Variants in ZNF346 observed in about 807,000 individuals in gnomAD.
ZNF346 encodes the protein double-stranded RNA-binding zinc finger protein JAZ.
ZNF346 carries 23 observed loss-of-function variants against 33.7 expected under a neutral mutation model. The observed-to-expected ratio is 0.68, with a 90% CI of 0.49 to 0.97. The LOEUF is 0.97. Among genes scored for constraint, ZNF346 ranks in the 50% least tolerant of loss-of-function variants. The pLI is 0.00. For synonymous variants in ZNF346, 134 were observed against 142.4 expected, an observed-to-expected ratio of 0.94 and a Z score of 0.42; for missense variants, 340 against 371.1, an observed-to-expected ratio of 0.92 and a Z score of 0.69.
chr5:177,033,685 G>A (rs1166299096), intron 1 of ZNF346, among the ~76,000 whole-genome samples: 1 of 151,888 alleles, frequency 6.6e-6, no homozygotes, highest in Non-Finnish European at 1.5e-5. Flanking sequence ...CACCACACAT[G>A]GCTAATTTTT....
chr5:177,039,556 C>T (rs1259489637), intron 1 of ZNF346, among the ~76,000 whole-genome samples: 2 of 152,006 alleles, frequency 1.3e-5, no homozygotes, highest in African/African-American at 4.8e-5. Context: ...CTCAAGCAAT[C>T]CTTCTGTCTC....
rs1032746216 is a variant in ZNF346 at position 177,066,331 on chromosome 5, C to A, written c.*1732C>A. 2.7e-4 allele frequency among the ~76,000 whole-genome samples: 41 copies of A among 151,996 alleles called. No homozygotes were observed. The highest frequency in any genetic ancestry group is 9.9e-4 in the African/African-American group (41 of 41,376). On this transcript the variant is annotated 3_prime_UTR_variant, in exon 7 of 7. Coordinates refer to ENST00000358149, the MANE Select transcript of ZNF346 (RefSeq NM_012279.4). Reference sequence around the variant, plus strand: ...GGAGACAAGGAGGCCAGTATGGACACTGTGTCCAGTATGGCTTTCCAGGCT... The same window carrying A: ...GGAGACAAGGAGGCCAGTATGGACAATGTGTCCAGTATGGCTTTCCAGGCT...
At chr5:177,027,586 CAA>C (rs1282201135) in intron 1 of ZNF346, among the ~76,000 whole-genome samples, 2,153 of 64,638 alleles carry the variant, frequency 0.033, 57 homozygotes, top group African/African-American at 0.085. Context: ...GACTTTGTCT[CAA>C]AAAAAAAAAA....
chr5:177,040,803 T>A (rs1030424427), intron 1 of ZNF346, among the ~76,000 whole-genome samples: 1 of 152,238 alleles, frequency 6.6e-6, no homozygotes, highest in African/African-American at 2.4e-5. Context: ...GTTCTCTTCT[T>A]CCTGGGGAAT....
Position 177,064,691 on chromosome 5 carries a change from C to T in ZNF346, c.*92C>T, listed in dbSNP as rs1185451228. 1.9e-6 allele frequency: 2 copies of T among 1,068,956 alleles called. No individual in the cohort carries two copies. Among genetic ancestry groups the T allele is most frequent in the East Asian group, 4.7e-5 (2 of 42,320 alleles). The allele number at this position is 1,068,956 out of a possible 1,614,324, so 66.2% of individuals were successfully genotyped here. On this transcript the variant is annotated 3_prime_UTR_variant, in exon 7 of 7. Coordinates refer to ENST00000358149, the MANE Select transcript of ZNF346 (RefSeq NM_012279.4). ...TTGGCTCCCTCTTGCTCGTTGTTCT[C>T]ACCAGGAAAGTACACGGGCCTGAGG...
chr5:177,051,095 G>GGAA (rs1297558713), intron 5 of ZNF346, among the ~76,000 whole-genome samples, 159 bp downstream of exon 5: 1 of 152,022 alleles, frequency 6.6e-6, no homozygotes, highest in African/African-American at 2.4e-5. Flanking sequence ...ATGAGAGCCA[G>GGAA]GAAGGGGATA....
chr5:177,079,707 C>T (rs1240246185), exon 9 of ZNF346: 1 of 152,244 alleles, frequency 6.6e-6, no homozygotes. Context: ...GGGCAAAGTA[C>T]AGAAGGGCAC....
chr5:177,063,757 A>G (rs60583066), intron 6 of ZNF346, among the ~76,000 whole-genome samples: 21,388 of 152,054 alleles, frequency 0.14, 3,204 homozygotes, highest in African/African-American at 0.38. Context: ...GTGTGGCGGC[A>G]CACACCTGTA....
chr5:177,076,753 T>C (rs919486830), intron 8 of ZNF346, among the ~76,000 whole-genome samples: 10 of 152,184 alleles, frequency 6.6e-5, no homozygotes, highest in African/African-American at 2.4e-4. Context: ...TTAATAAGTA[T>C]CGTTGAGCCG....
chr5:177,028,007 T>G (rs560704956), intron 1 of ZNF346, among the ~76,000 whole-genome samples: 3 of 148,652 alleles, frequency 2.0e-5, no homozygotes, highest in African/African-American at 7.4e-5. Flanking sequence ...TTGTTTTAAG[T>G]GTACACAGAA....
At chr5:177,048,176 A>G (rs115286423) in intron 4 of ZNF346, among the ~76,000 whole-genome samples, 1,751 of 151,962 alleles carry the variant, frequency 0.012, 11 homozygotes, top group South Asian at 0.025. Flanking sequence ...CAGACTCTAT[A>G]TCCCTCATTT....
Position 177,066,857 on chromosome 5 carries a change from G to A in ZNF346, c.*2258G>A, listed in dbSNP as rs747337320. ...GTGGATAACCTGAGGTCAGAAGTTC[G>A]AGACCAGCCTGGCCAACATGATGGC... is the stretch of plus-strand genomic sequence containing the variant. On this transcript the variant is annotated 3_prime_UTR_variant, in exon 7 of 7. Coordinates refer to ENST00000358149, the MANE Select transcript of ZNF346 (RefSeq NM_012279.4). Among the ~76,000 whole-genome samples the A allele has an allele frequency of 1.3e-5, 2 of 152,216 alleles. No individual in the cohort carries two copies. The highest frequency in any genetic ancestry group is 4.8e-5 in the African/African-American group (2 of 41,534).
chr5:177,073,315 G>GT (rs1783593128), intron 8 of ZNF346, among the ~76,000 whole-genome samples: 1 of 152,118 alleles, frequency 6.6e-6, no homozygotes. Context: ...TATTTTGTTT[G>GT]TTTTTTGAAA....
chr5:177,029,325 C>T (rs1009547047), intron 1 of ZNF346, among the ~76,000 whole-genome samples: 3 of 152,210 alleles, frequency 2.0e-5, no homozygotes, highest in African/African-American at 7.2e-5. Context: ...AAGTGTGGCA[C>T]ACCCCAATTC....
chr5:177,052,902 A>G (rs1287084670), intron 5 of ZNF346: 1 of 152,230 alleles, frequency 6.6e-6, no homozygotes, highest in Admixed American at 6.5e-5. Flanking sequence ...ATGTAACCCC[A>G]TTGTAAGTCA....
chr5:177,032,094 C>T (rs1777815092), intron 1 of ZNF346, among the ~76,000 whole-genome samples: 1 of 147,448 alleles, frequency 6.8e-6, no homozygotes, highest in African/African-American at 2.5e-5. Flanking sequence ...ACCTCTGCCT[C>T]CAGATCCAAG....
At chr5:177,049,666 G>T (rs1284322551) in intron 4 of ZNF346, among the ~76,000 whole-genome samples, 1 of 152,188 alleles carries the variant, frequency 6.6e-6, no homozygotes, top group Non-Finnish European at 1.5e-5. Context: ...AGCAAAGAGA[G>T]CACAGGCTTT....
chr5:177,059,521 C>T (rs1782192916), intron 5 of ZNF346, among the ~76,000 whole-genome samples: 1 of 152,112 alleles, frequency 6.6e-6, no homozygotes, highest in South Asian at 2.1e-4. Context: ...TCATATTCAC[C>T]CAAGAAGGCC....
At chr5:177,039,004 G>T (rs1005817826) in intron 1 of ZNF346, among the ~76,000 whole-genome samples, 2 of 151,490 alleles carry the variant, frequency 1.3e-5, no homozygotes, top group African/African-American at 4.9e-5. Context: ...TGATTGTCCT[G>T]CCTCTGTCTC....
Sources: gnomAD v4.1 joint callset for allele counts (sites outside exome capture counted in the v4.1 genomes callset) on GRCh38, gnomAD v4.1.1 for gene constraint, MANE v1.5 for transcripts, NCBI Gene and HGNC (gene_info 2026-07-23, HGNC 2026-07-21) for gene names.